Variants in OPCML observed in about 807,000 individuals in gnomAD.
OPCML encodes the protein opioid-binding protein/cell adhesion molecule.
OPCML carries 13 observed loss-of-function variants against 37.8 expected under a neutral mutation model. That is an observed-to-expected ratio of 0.34 (90% CI 0.22 to 0.55). OPCML has a LOEUF of 0.55. Among genes scored for constraint, OPCML ranks in the 20% least tolerant of loss-of-function variants. The pLI is 0.91. For synonymous variants in OPCML, 176 were observed against 168.8 expected (o/e 1.04, Z -0.33); for missense variants, 341 against 435.6 (o/e 0.78, Z 1.93).
intron 1 of OPCML, among the ~76,000 whole-genome samples, chr11:133,306,652 A>G (rs182444861): frequency 1.2e-3 from 179 of 152,330 alleles, no homozygotes; most frequent in Non-Finnish European, 2.0e-3. Flanking sequence ...AAAATGTGAA[A>G]ACAGCTCTCA....
intron 1 of OPCML, among the ~76,000 whole-genome samples, chr11:133,256,224 T>C (rs552939282): frequency 3.6e-4 from 55 of 152,380 alleles, no homozygotes; most frequent in African/African-American, 1.3e-3. Context: ...AGGGCAAGGA[T>C]TGATGAACCC....
chr11:133,004,849 C>T (rs944745650), intron 1 of OPCML: 2 of 985,442 alleles, frequency 2.0e-6, no homozygotes, highest in African/African-American at 1.7e-5. Context: ...CAAACACCAT[C>T]CCCAAGACAG....
At chr11:133,220,602 G>A (rs1446373473) in intron 1 of OPCML, among the ~76,000 whole-genome samples, 2 of 152,162 alleles carry the variant, frequency 1.3e-5, no homozygotes. Flanking sequence ...GGCACTTTCA[G>A]CCTGCTTGTG....
intron 3 of OPCML, among the ~76,000 whole-genome samples, chr11:132,571,348 A>G (rs190433152): frequency 4.6e-5 from 7 of 152,088 alleles, no homozygotes; most frequent in African/African-American, 1.7e-4. Context: ...TCGCCTTGTG[A>G]TTGTGTGAGC....
At chr11:132,483,685 A>T (rs2096188952) in intron 4 of OPCML, among the ~76,000 whole-genome samples, 1 of 152,178 alleles carries the variant, frequency 6.6e-6, no homozygotes, top group Non-Finnish European at 1.5e-5. Flanking sequence ...GGCTACAGTA[A>T]CCAAAACAGC....
At chr11:132,682,661 C>T (rs1173760901) in intron 2 of OPCML, among the ~76,000 whole-genome samples, 1 of 152,190 alleles carries the variant, frequency 6.6e-6, no homozygotes, top group Non-Finnish European at 1.5e-5. Context: ...CTCTAGAGAG[C>T]AACCAGGGAG....
At chr11:132,932,400 T>C (rs1225107067) in intron 2 of OPCML, among the ~76,000 whole-genome samples, 1 of 152,130 alleles carries the variant, frequency 6.6e-6, no homozygotes, top group Non-Finnish European at 1.5e-5. Flanking sequence ...GGTGGCTACA[T>C]GGGTAAATAT....
intron 2 of OPCML, among the ~76,000 whole-genome samples, chr11:132,683,591 C>T (rs1007567725): frequency 2.0e-5 from 3 of 152,208 alleles, no homozygotes; most frequent in African/African-American, 7.2e-5. Flanking sequence ...GACACCATCT[C>T]AGACTGTGAG....
At chr11:133,450,343 G>A (rs917082672) in intron 1 of OPCML, among the ~76,000 whole-genome samples, 5 of 151,544 alleles carry the variant, frequency 3.3e-5, no homozygotes, top group Non-Finnish European at 7.3e-5. Flanking sequence ...TAGAGTGACT[G>A]AAAAGCTTGT....
chr11:132,670,371 C>T (rs905705607), intron 2 of OPCML, among the ~76,000 whole-genome samples: 2 of 152,068 alleles, frequency 1.3e-5, no homozygotes, highest in African/African-American at 4.8e-5. Flanking sequence ...TGTACGGGAT[C>T]ACAGAATCCC....
Position 133,510,633 on chromosome 11 carries a change from T to C in OPCML, c.61+21631A>G, listed in dbSNP as rs568829809. Among the ~76,000 whole-genome samples, 5 of 152,336 alleles carry C rather than the reference T, an allele frequency of 3.3e-5. No homozygotes were observed. In the East Asian group the frequency reaches 9.6e-4, roughly 29 times the overall value. On this transcript the variant is annotated intron_variant, in intron 1 of 7. Coordinates refer to ENST00000524381, the MANE Select transcript of OPCML (RefSeq NM_001012393.5). ...TGTCCTGCAGTGATTTAGGATAGCA[T>C]GTGGTCAAGACCTTTGTGCCAACAT...
intron 3 of OPCML, among the ~76,000 whole-genome samples, chr11:132,566,076 T>C (rs2096422347): frequency 6.6e-6 from 1 of 152,228 alleles, no homozygotes. Flanking sequence ...TGGCTCTGTC[T>C]GATTAACATC....
At chr11:132,499,364 TA>T (rs1395638032) in intron 4 of OPCML, among the ~76,000 whole-genome samples, 1 of 152,142 alleles carries the variant, frequency 6.6e-6, no homozygotes, top group Admixed American at 6.5e-5. Flanking sequence ...TCAGAAGAGC[TA>T]AGATTGAGGG....
At chr11:132,494,726 C>T (rs773906337) in intron 4 of OPCML, among the ~76,000 whole-genome samples, 1 of 152,066 alleles carries the variant, frequency 6.6e-6, no homozygotes, top group Non-Finnish European at 1.5e-5. Context: ...AAACAAATGG[C>T]CTATAATATT....
intron 1 of OPCML, among the ~76,000 whole-genome samples, chr11:133,046,586 G>T (rs538554168): frequency 6.6e-6 from 1 of 152,056 alleles, no homozygotes; most frequent in Non-Finnish European, 1.5e-5. Flanking sequence ...ACAACACAAC[G>T]CCAGGCATTT....
At chr11:133,236,345 C>T (rs535354793) in intron 1 of OPCML, among the ~76,000 whole-genome samples, 16 of 152,258 alleles carry the variant, frequency 1.1e-4, no homozygotes, top group African/African-American at 2.2e-4. Flanking sequence ...TACGTAGAAT[C>T]GCACAAAATT....
intron 2 of OPCML, among the ~76,000 whole-genome samples, chr11:132,937,454 C>A (rs938897047): frequency 2.0e-5 from 3 of 151,824 alleles, no homozygotes; most frequent in Non-Finnish European, 4.4e-5. Context: ...CGTCTTCTCC[C>A]ACAGCCTGCT....
At chr11:132,448,271 A>G (rs562921978) in intron 4 of OPCML, among the ~76,000 whole-genome samples, 15 of 152,270 alleles carry the variant, frequency 9.9e-5, no homozygotes, top group Admixed American at 2.6e-4. Context: ...AGTTCCTGGC[A>G]TCACAGCCGT....
chr11:133,024,540 T>C, intron 1 of OPCML: 1 of 985,378 alleles, frequency 1.0e-6, no homozygotes, highest in Non-Finnish European at 1.2e-6. Context: ...TAATATACCC[T>C]TTGCACGTAA....
Sources: gnomAD v4.1 joint callset for allele counts (sites outside exome capture counted in the v4.1 genomes callset) on GRCh38, gnomAD v4.1.1 for gene constraint, MANE v1.5 for transcripts, NCBI Gene and HGNC (gene_info 2026-07-23, HGNC 2026-07-21) for gene names.